Variants in PCDHGA2 observed in about 807,000 individuals in gnomAD.
PCDHGA2 encodes protocadherin gamma subfamily A, 2.
PCDHGA2 carries 40 observed loss-of-function variants against 59.2 expected under a neutral mutation model. The ratio of observed to expected loss-of-function variants is 0.68; its 90% CI spans 0.52 to 0.88. The LOEUF is 0.88. Ranked by LOEUF, PCDHGA2 falls within the 40% of genes least tolerant of loss-of-function variation. The pLI is 0.00. For missense variants in PCDHGA2, 1,226 were observed against 1,204.0 expected (o/e 1.02, Z -0.27); for synonymous variants, 560 against 526.0 (o/e 1.06, Z -0.89).
chr5:141,386,716 C>A (rs2090679680), intron 1 of PCDHGA2, among the ~76,000 whole-genome samples: 1 of 152,024 alleles, frequency 6.6e-6, no homozygotes. Context: ...TTGCTGACAC[C>A]AACAATGTTA....
intron 1 of PCDHGA2, among the ~76,000 whole-genome samples, chr5:141,465,280 C>T (rs922029628): frequency 7.2e-5 from 11 of 151,990 alleles, no homozygotes; most frequent in Non-Finnish European, 1.5e-4. Flanking sequence ...TTAGTTCACC[C>T]CTAAAGAACT....
At chr5:141,462,039 T>A (rs569871892) in intron 1 of PCDHGA2, among the ~76,000 whole-genome samples, 1 of 152,276 alleles carries the variant, frequency 6.6e-6, no homozygotes, top group Non-Finnish European at 1.5e-5. Flanking sequence ...GTCAGGCGGG[T>A]CTTGAACTCC....
chr5:141,476,190 C>T lies in PCDHGA2; in HGVS notation c.2425-18617C>T. On this transcript the variant is annotated intron_variant, in intron 1 of 3. Transcript: ENST00000394576. The surrounding 1 kb of genome is among the most constrained non-coding windows in gnomAD (Gnocchi z 7.6). ...GTGGGAGTTTTGCTTCTGCTTGGTG[C>T]CTTGAACAAGGCTTCCACGGTCATT... is the stretch of plus-strand genomic sequence containing the variant. 3.1e-6 allele frequency: 5 copies of T among 1,613,694 alleles called. No individual in the cohort carries two copies. The highest frequency in any genetic ancestry group is 4.2e-6 in the Non-Finnish European group (5 of 1,179,988).
intron 1 of PCDHGA2, chr5:141,392,777 A>G (rs1226924811): frequency 1.3e-6 from 2 of 1,529,440 alleles, no homozygotes; most frequent in Non-Finnish European, 1.8e-6. Flanking sequence ...ATTTATGCAC[A>G]GTGAAGATTC....
chr5:141,408,842 G>A, intron 1 of PCDHGA2: 1 of 1,613,598 alleles, frequency 6.2e-7, no homozygotes, highest in African/African-American at 1.3e-5. Flanking sequence ...GATATTGACT[G>A]CCTTGGACGG....
intron 1 of PCDHGA2, among the ~76,000 whole-genome samples, chr5:141,438,591 C>CATACAT (rs1228520343): frequency 1.3e-5 from 1 of 75,562 alleles, no homozygotes; most frequent in Non-Finnish European, 2.7e-5. Flanking sequence ...TACATACATA[C>CATACAT]ATATATATAT....
chr5:141,407,589 C>G (rs1305349867), intron 1 of PCDHGA2, among the ~76,000 whole-genome samples: 1 of 151,660 alleles, frequency 6.6e-6, no homozygotes, highest in Non-Finnish European at 1.5e-5. Context: ...ACCTTAATGT[C>G]TCATCTTAAA....
Position 141,431,972 on chromosome 5 carries a change from G to T in PCDHGA2, c.2425-62835G>T, listed in dbSNP as rs750484866. On this transcript the variant is annotated intron_variant, in intron 1 of 3. Coordinates refer to ENST00000394576, the MANE Select transcript of PCDHGA2 (RefSeq NM_018915.4). The surrounding 1 kb of genome is among the most constrained non-coding windows in gnomAD (Gnocchi z 4.8). ...ATCTTACGGAAATTACTATAGTTTA[G>T]TCACAGACATAGTCTTGGATAGGGA... is the stretch of plus-strand genomic sequence containing the variant. The T allele has an allele frequency of 8.1e-6, 13 of 1,614,072 alleles. No homozygotes were observed. Among genetic ancestry groups the T allele is most frequent in the Non-Finnish European group, 1.1e-5 (13 of 1,180,028 alleles).
rs1589038346 is a variant in PCDHGA2, at chr5:141,387,562, C to T, written c.2424+46167C>T. The T allele has an allele frequency of 6.9e-6, 3 of 437,514 alleles. No individual in the cohort carries two copies. The Admixed American group carries it at 1.2e-4, about 17-fold the overall frequency. The allele number at this position is 437,514 out of a possible 1,614,324, so 27.1% of individuals were successfully genotyped here. A position where few individuals can be genotyped will look rare whatever the true frequency, so the allele number is the denominator to read the frequency against. ...GTTTTTGTTCTTTCAGTTAGGCACA[C>T]AATTATAATTATTGCACTGGTTAAC... On this transcript the variant is annotated intron_variant, in intron 1 of 3. Transcript: ENST00000394576.
At chr5:141,500,222 T>TGA (rs1355843194) in intron 2 of PCDHGA2, among the ~76,000 whole-genome samples, 1 of 146,758 alleles carries the variant, frequency 6.8e-6, no homozygotes, top group Non-Finnish European at 1.5e-5. Flanking sequence ...ATTTATTTAT[T>TGA]TATTGATACG....
At chr5:141,463,324 T>C (rs1413608053) in intron 1 of PCDHGA2, among the ~76,000 whole-genome samples, 1 of 150,722 alleles carries the variant, frequency 6.6e-6, no homozygotes, top group Non-Finnish European at 1.5e-5. Context: ...ATTCCTCAAC[T>C]CAGCAAAACC....
chr5:141,498,265 T>G (rs2099782779), intron 2 of PCDHGA2, among the ~76,000 whole-genome samples: 2 of 152,010 alleles, frequency 1.3e-5, no homozygotes, highest in Non-Finnish European at 2.9e-5. Context: ...TGTTGAGTTC[T>G]TCAGTAAACT....
At chr5:141,344,285 G>A in intron 1 of PCDHGA2, 1 of 1,614,096 alleles carries the variant, frequency 6.2e-7, no homozygotes, top group Non-Finnish European at 8.5e-7. Context: ...GCGGCAGCTT[G>A]GTCACCGCGG....
chr5:141,346,413 A>G, intron 1 of PCDHGA2: 1 of 1,614,280 alleles, frequency 6.2e-7, no homozygotes, highest in Non-Finnish European at 8.5e-7. Context: ...TCTTCTGATA[A>G]CTCAGGATTT....
At chr5:141,453,608 C>T (rs1015022396) in intron 1 of PCDHGA2, among the ~76,000 whole-genome samples, 6 of 152,068 alleles carry the variant, frequency 3.9e-5, no homozygotes, top group South Asian at 2.1e-4. Context: ...TTTTGCAAAA[C>T]GCAAAAACAA....
intron 1 of PCDHGA2, among the ~76,000 whole-genome samples, chr5:141,401,758 G>A (rs573644467): frequency 6.6e-6 from 1 of 152,234 alleles, no homozygotes; most frequent in East Asian, 1.9e-4. Flanking sequence ...CCCATTACAT[G>A]GTATAAGTCT....
intron 1 of PCDHGA2, chr5:141,399,170 T>C (rs1159402714): frequency 6.2e-7 from 1 of 1,613,798 alleles, no homozygotes. Flanking sequence ...TTCCATTCTC[T>C]ACTTGAAATG....
chr5:141,357,184 G>A lies in PCDHGA2; in HGVS notation c.2424+15789G>A, dbSNP rs766733303. The A allele has an allele frequency of 3.1e-6, 5 of 1,613,780 alleles. No homozygotes were observed. In the South Asian group the frequency reaches 5.5e-5, roughly 18 times the overall value. ...TCTCTCGGCCACCGTCACACTCACT[G>A]TGGCTGTGGCCGACAGCATCCCAGA... On this transcript the variant is annotated intron_variant, in intron 1 of 3. Coordinates refer to ENST00000394576, the MANE Select transcript of PCDHGA2 (RefSeq NM_018915.4).
chr5:141,401,353 AAGG>A (rs772220375), intron 1 of PCDHGA2, among the ~76,000 whole-genome samples: 7 of 152,166 alleles, frequency 4.6e-5, no homozygotes, highest in African/African-American at 7.2e-5. Flanking sequence ...AAAAAAAAGG[AAGG>A]AGAAGGAGAG....
Sources: allele counts gnomAD v4.1 joint callset (sites outside exome capture counted in the v4.1 genomes callset), GRCh38; gene constraint gnomAD v4.1.1; non-coding constraint Gnocchi (gnomAD v3.1); transcripts MANE v1.5; gene names NCBI Gene and HGNC (gene_info 2026-07-23, HGNC 2026-07-21).